TBC1D1: variants seen among roughly 807,000 people sequenced by gnomAD.
TBC1D1 encodes TBC1 (tre-2/USP6, BUB2, cdc16) domain family, member 1.
In TBC1D1, 89 loss-of-function variants were observed where a neutral mutation model predicts 125.6. The observed-to-expected ratio is 0.71, with a 90% CI of 0.60 to 0.85. TBC1D1 has a LOEUF of 0.85. Ranked by LOEUF, TBC1D1 falls within the 40% of genes least tolerant of loss-of-function variation. The probability of loss-of-function intolerance (pLI) is 0.00; values close to 1 mark genes in which losing one functional copy is unlikely to be tolerated. For synonymous variants in TBC1D1, 565 were observed against 564.1 expected, an observed-to-expected ratio of 1.00 and a Z score of -0.02; for missense variants, 1,377 against 1,469.2, an observed-to-expected ratio of 0.94 and a Z score of 1.03.
At chr4:38,050,574 C>T (rs959694) in intron 11 of TBC1D1, among the ~76,000 whole-genome samples, 15,378 of 152,242 alleles carry the variant, frequency 0.1, 970 homozygotes, top group Non-Finnish European at 0.13. Context: ...ATTCATTTAA[C>T]TCTGTGTGCC....
chr4:38,053,125 C>T (rs1315723315), intron 11 of TBC1D1: 25 of 1,524,552 alleles, frequency 1.6e-5, no homozygotes, highest in Non-Finnish European at 1.9e-5. Flanking sequence ...CCGTAATGCC[C>T]TGCGGAAAAA....
intron 8 of TBC1D1, among the ~76,000 whole-genome samples, chr4:38,037,942 G>T (rs1049601678): frequency 6.6e-6 from 1 of 152,144 alleles, no homozygotes; most frequent in East Asian, 1.9e-4. Context: ...TGGACTTGTC[G>T]TTTCCACCTG....
At chr4:37,911,459 T>G (rs145212382) in intron 2 of TBC1D1, among the ~76,000 whole-genome samples, 1 of 152,056 alleles carries the variant, frequency 6.6e-6, no homozygotes, top group Non-Finnish European at 1.5e-5. Context: ...GGGTTGAGAT[T>G]TGGGGGAGGA....
At chr4:37,935,137 T>C (rs1429052095) in intron 2 of TBC1D1, among the ~76,000 whole-genome samples, 2 of 152,222 alleles carry the variant, frequency 1.3e-5, no homozygotes, top group African/African-American at 4.8e-5. Context: ...AAAAATCTAA[T>C]TCTTCCCCAG....
At chr4:37,922,281 C>A (rs559351005) in intron 2 of TBC1D1, among the ~76,000 whole-genome samples, 1 of 152,256 alleles carries the variant, frequency 6.6e-6, no homozygotes, top group Admixed American at 6.5e-5. Flanking sequence ...TTCCTATGTG[C>A]CTTGTAATTC....
At position 38,053,226 on chromosome 4, in the gene TBC1D1, G is replaced by C. The variant is rs1293621362; in HGVS notation, c.1911-973G>C. 4 of 1,505,002 alleles carry C rather than the reference G, an allele frequency of 2.7e-6. No individual in the cohort carries two copies. The highest frequency in any genetic ancestry group is 2.6e-5 in the South Asian group (2 of 75,608). 93.2% of individuals were successfully genotyped at this position (1,505,002 alleles called of 1,614,324 possible). On this transcript the variant is annotated intron_variant, in intron 11 of 19. Coordinates refer to ENST00000261439, the MANE Select transcript of TBC1D1 (RefSeq NM_015173.4). ...CCTCTGATTTTATGAACACAAAAAG[G>C]TAGGGCTTAATTTAGATATATCAAG...
intron 1 of TBC1D1, among the ~76,000 whole-genome samples, chr4:37,892,409 C>A (rs1713539078): frequency 6.6e-6 from 1 of 151,502 alleles, no homozygotes; most frequent in Non-Finnish European, 1.5e-5. Flanking sequence ...AAGTGAGATC[C>A]CATCTCTTAA....
chr4:38,052,036 A>G (rs970222568), intron 11 of TBC1D1: 2 of 1,551,116 alleles, frequency 1.3e-6, no homozygotes, highest in Non-Finnish European at 1.7e-6. Flanking sequence ...AGTGGAGAAC[A>G]AAGTGGGAAT....
At chr4:37,911,687 G>T (rs1718666885) in intron 2 of TBC1D1, among the ~76,000 whole-genome samples, 1 of 152,208 alleles carries the variant, frequency 6.6e-6, no homozygotes, top group African/African-American at 2.4e-5. Flanking sequence ...TACTACCAAT[G>T]TGTTGGTCAT....
At chr4:37,950,950 G>T (rs1014080654) in intron 2 of TBC1D1, among the ~76,000 whole-genome samples, 1 of 152,042 alleles carries the variant, frequency 6.6e-6, no homozygotes, top group South Asian at 2.1e-4. Flanking sequence ...TTTTAGTAGA[G>T]ACAGGGTTTC....
intron 3 of TBC1D1, among the ~76,000 whole-genome samples, 193 bp from the exon 4 acceptor site, chr4:38,018,161 G>A (rs987245041): frequency 1.3e-5 from 2 of 152,162 alleles, no homozygotes; most frequent in African/African-American, 4.8e-5. Flanking sequence ...GAAGATGGCT[G>A]TCTTATCTAG....
chr4:37,973,803 G>A (rs1732520723), intron 2 of TBC1D1, among the ~76,000 whole-genome samples: 1 of 152,184 alleles, frequency 6.6e-6, no homozygotes, highest in South Asian at 2.1e-4. Context: ...AATCATTAAC[G>A]TTTTAAGACC....
intron 12 of TBC1D1, among the ~76,000 whole-genome samples, chr4:38,056,868 T>C (rs1309992045): frequency 6.6e-6 from 1 of 152,224 alleles, no homozygotes; most frequent in East Asian, 1.9e-4. Context: ...AGTTTGTACC[T>C]ATAAAGTATT....
intron 2 of TBC1D1, among the ~76,000 whole-genome samples, chr4:37,956,943 GAA>G (rs33943418): frequency 0.054 from 7,529 of 140,160 alleles, 318 homozygotes; most frequent in East Asian, 0.22. Context: ...CGTCTCAAAA[GAA>G]AAAAAAAAAA....
intron 2 of TBC1D1, among the ~76,000 whole-genome samples, chr4:37,918,573 G>A (rs1407152636): frequency 6.6e-6 from 1 of 151,712 alleles, no homozygotes; most frequent in Non-Finnish European, 1.5e-5. Flanking sequence ...TCAGCCTCCT[G>A]AGTAGCTGGG....
intron 2 of TBC1D1, among the ~76,000 whole-genome samples, chr4:37,914,066 T>C (rs1679322257): frequency 6.6e-6 from 1 of 152,194 alleles, no homozygotes; most frequent in Non-Finnish European, 1.5e-5. Flanking sequence ...TTCTACCTCT[T>C]CTTCTCAATT....
chr4:38,058,118 C>T (rs928511463), intron 12 of TBC1D1, among the ~76,000 whole-genome samples: 4 of 152,198 alleles, frequency 2.6e-5, no homozygotes, highest in African/African-American at 9.7e-5. Context: ...AGTCAATCTC[C>T]TCCGCCCCCT....
intron 11 of TBC1D1, among the ~76,000 whole-genome samples, chr4:38,052,715 C>CGT (rs1328571906): frequency 9.7e-5 from 5 of 51,396 alleles, no homozygotes; most frequent in Non-Finnish European, 1.8e-4. Flanking sequence ...CACACACACG[C>CGT]GCGCGCGCGC....
At chr4:38,001,358 A>G (rs988120552) in intron 2 of TBC1D1, among the ~76,000 whole-genome samples, 6 of 152,202 alleles carry the variant, frequency 3.9e-5, no homozygotes, top group East Asian at 1.9e-4. Context: ...CAACACCTCG[A>G]TAAGTTCATC....
Sources: gnomAD v4.1 joint callset for allele counts (sites outside exome capture counted in the v4.1 genomes callset) on GRCh38, gnomAD v4.1.1 for gene constraint, MANE v1.5 for transcripts, NCBI Gene and HGNC (gene_info 2026-07-23, HGNC 2026-07-21) for gene names.